The following HEMK2 variants were observed in gnomAD, a reference collection of about 807,000 sequenced individuals.
HEMK2 encodes the protein methyltransferase HEMK2.
the HEMK2 span, among the ~76,000 whole-genome samples, chr21:28,736,679 C>T: frequency 6.6e-6 from 1 of 152,006 alleles, no homozygotes; most frequent in African/African-American, 2.4e-5. Flanking sequence ...GCAGAAGAAT[C>T]GCCTGCACCT....
At chr21:28,745,235 T>C in the HEMK2 span, among the ~76,000 whole-genome samples, 20 of 152,342 alleles carry the variant, frequency 1.3e-4, no homozygotes, top group Admixed American at 3.9e-4. Context: ...GGTGCAATAC[T>C]GTCATCTCGT....
chr21:28,827,776 TG>T, the HEMK2 span, among the ~76,000 whole-genome samples: 1 of 152,236 alleles, frequency 6.6e-6, no homozygotes, highest in Non-Finnish European at 1.5e-5. Flanking sequence ...GTTTTTGCTT[TG>T]ATGAGTTCTT....
chr21:28,671,507 T>A, the HEMK2 span, among the ~76,000 whole-genome samples: 9 of 152,226 alleles, frequency 5.9e-5, no homozygotes, highest in Admixed American at 5.9e-4. Context: ...TGTATTCATT[T>A]GACATGAAAT....
chr21:28,717,480 C>CTT, the HEMK2 span, among the ~76,000 whole-genome samples: 3,286 of 117,220 alleles, frequency 0.028, 159 homozygotes, highest in Middle Eastern at 0.031. Context: ...TCATTTTAGT[C>CTT]TTTTTTTTTT....
chr21:28,715,454 G>T, the HEMK2 span, among the ~76,000 whole-genome samples: 10 of 152,102 alleles, frequency 6.6e-5, no homozygotes, highest in Admixed American at 5.9e-4. Context: ...TTTAAGAAGT[G>T]TCTGTTTATG....
At chr21:28,840,936 G>C in the HEMK2 span, among the ~76,000 whole-genome samples, 1 of 139,284 alleles carries the variant, frequency 7.2e-6, no homozygotes, top group African/African-American at 2.7e-5. Flanking sequence ...TTGCAAAATC[G>C]TGGAACTAAC....
the HEMK2 span, among the ~76,000 whole-genome samples, chr21:28,831,162 T>C: frequency 1.3e-5 from 2 of 151,734 alleles, no homozygotes; most frequent in Non-Finnish European, 2.9e-5. Context: ...AGAACAGTAT[T>C]AGCTGGGAGC....
At chr21:28,725,430 C>G in the HEMK2 span, among the ~76,000 whole-genome samples, 1 of 152,138 alleles carries the variant, frequency 6.6e-6, no homozygotes, top group Non-Finnish European at 1.5e-5. Flanking sequence ...ATTCATGAGA[C>G]AGGTAATCAC....
chr21:28,637,602 C>A, the HEMK2 span, among the ~76,000 whole-genome samples: 3 of 152,198 alleles, frequency 2.0e-5, no homozygotes, highest in Non-Finnish European at 4.4e-5. Flanking sequence ...TCAGTCAACA[C>A]TTGCATTCAT....
At chr21:28,678,268 T>C in the HEMK2 span, among the ~76,000 whole-genome samples, 3 of 152,298 alleles carry the variant, frequency 2.0e-5, no homozygotes, top group South Asian at 2.1e-4. Context: ...AGTAGCTGAT[T>C]TGATCAACTG....
At chr21:28,783,922 C>A in the HEMK2 span, among the ~76,000 whole-genome samples, 2 of 152,336 alleles carry the variant, frequency 1.3e-5, no homozygotes, top group East Asian at 3.9e-4. Context: ...AGAGGGTGCG[C>A]CAGGTCCCCC....
chr21:28,669,106 T>C, the HEMK2 span, among the ~76,000 whole-genome samples: 14 of 152,128 alleles, frequency 9.2e-5, no homozygotes, highest in Non-Finnish European at 1.6e-4. Context: ...ATGCCTGTAA[T>C]CCAGCACTTT....
the HEMK2 span, among the ~76,000 whole-genome samples, chr21:28,771,482 G>A: frequency 2.8e-5 from 4 of 144,978 alleles, no homozygotes; most frequent in African/African-American, 2.5e-5. Context: ...CAGGCTAGGG[G>A]TGCCGTGAAA....
chr21:28,593,497 G>C, the HEMK2 span, among the ~76,000 whole-genome samples: 1 of 152,104 alleles, frequency 6.6e-6, no homozygotes, highest in South Asian at 2.1e-4. Context: ...CCAGGTCTTG[G>C]TTTCTAATAC....
At chr21:28,872,062 G>A in the HEMK2 span, 2 of 152,112 alleles carry the variant, frequency 1.3e-5, no homozygotes, top group African/African-American at 4.8e-5. Flanking sequence ...GAATTTTGTT[G>A]GGGGGACACT....
chr21:28,591,513 A>C, the HEMK2 span, among the ~76,000 whole-genome samples: 24 of 152,342 alleles, frequency 1.6e-4, no homozygotes, highest in Middle Eastern at 3.4e-3. Context: ...TTCAGAGTCC[A>C]TCAGTAAGTT....
At chr21:28,630,842 A>G in the HEMK2 span, among the ~76,000 whole-genome samples, 2 of 151,450 alleles carry the variant, frequency 1.3e-5, no homozygotes, top group African/African-American at 2.4e-5. Flanking sequence ...TGACGAGTTA[A>G]TGGGTGCAGC....
At chr21:28,866,223 C>G in the HEMK2 span, among the ~76,000 whole-genome samples, 4 of 149,600 alleles carry the variant, frequency 2.7e-5, no homozygotes, top group African/African-American at 9.9e-5. Flanking sequence ...TACCTGTAAT[C>G]CCAGCTACTA....
chr21:28,769,824 C>T, the HEMK2 span, among the ~76,000 whole-genome samples: 2 of 152,156 alleles, frequency 1.3e-5, no homozygotes, highest in Non-Finnish European at 2.9e-5. Flanking sequence ...AGCTTTCTAA[C>T]TCTAAAGCTT....
Sources: gnomAD v4.1 joint callset for allele counts (sites outside exome capture counted in the v4.1 genomes callset) on GRCh38, gnomAD v4.1.1 for gene constraint, MANE v1.5 for transcripts, NCBI Gene and HGNC (gene_info 2026-07-23, HGNC 2026-07-21) for gene names.